Variants in TENM3 observed in about 807,000 individuals in gnomAD.
TENM3 encodes the protein teneurin-3.
A neutral mutation model predicts 255.1 loss-of-function variants in TENM3; 63 were observed. The ratio of observed to expected loss-of-function variants is 0.25; its 90% CI spans 0.20 to 0.30. The LOEUF (loss-of-function observed/expected upper bound fraction) is 0.30. TENM3 is among the 10% of genes least tolerant of loss of function. The pLI is 1.00. For missense variants in TENM3, 2,929 were observed against 3,461.1 expected, an observed-to-expected ratio of 0.85 and a Z score of 3.86; for synonymous variants, 1,306 against 1,322.3, an observed-to-expected ratio of 0.99 and a Z score of 0.27.
chr4:181,950,218 G>C, the TENM3 span, among the ~76,000 whole-genome samples: 17 of 151,666 alleles, frequency 1.1e-4, 1 homozygote, highest in South Asian at 3.6e-3. Context: ...AGCACCTTAC[G>C]ACCCCCACTC....
At chr4:182,503,539 A>C (rs1042833660) in intron 3 of TENM3, among the ~76,000 whole-genome samples, 6 of 152,140 alleles carry the variant, frequency 3.9e-5, no homozygotes, top group Admixed American at 6.5e-5. Context: ...AAATCTGAAG[A>C]ATTTGTATTA....
At chr4:182,097,637 C>G in the TENM3 span, among the ~76,000 whole-genome samples, 1 of 152,150 alleles carries the variant, frequency 6.6e-6, no homozygotes, top group Non-Finnish European at 1.5e-5. Flanking sequence ...GAATAAGGCC[C>G]TTCTCTCCTG....
intron 26 of TENM3, among the ~76,000 whole-genome samples, chr4:182,794,864 C>G (rs542964706): frequency 6.6e-6 from 1 of 152,278 alleles, no homozygotes; most frequent in South Asian, 2.1e-4. Context: ...CCTGCTGCTC[C>G]TACCTTCCAT....
intron 1 of TENM3, among the ~76,000 whole-genome samples, chr4:182,291,466 A>G (rs1027550584): frequency 6.6e-6 from 1 of 152,118 alleles, no homozygotes; most frequent in African/African-American, 2.4e-5. Context: ...ATCAGAAGGA[A>G]GTGTAGATTT....
the TENM3 span, among the ~76,000 whole-genome samples, chr4:181,995,710 T>A: frequency 2.0e-5 from 3 of 152,182 alleles, no homozygotes; most frequent in South Asian, 2.1e-4. Context: ...TAGATTAGCT[T>A]CTGCGTTCAG....
intron 13 of TENM3, among the ~76,000 whole-genome samples, chr4:182,719,771 T>C (rs780784280): frequency 2.0e-5 from 3 of 152,078 alleles, no homozygotes; most frequent in Non-Finnish European, 4.4e-5. Flanking sequence ...CAATTCGAAC[T>C]GCAAGAAAGC....
intron 2 of TENM3, among the ~76,000 whole-genome samples, chr4:182,325,969 G>A (rs1162061811): frequency 6.6e-6 from 1 of 152,112 alleles, no homozygotes; most frequent in Non-Finnish European, 1.5e-5. Flanking sequence ...GCAGACTGTT[G>A]TTGACAACCC....
chr4:182,189,474 A>C (rs149184704), intron 1 of TENM3, among the ~76,000 whole-genome samples: 1 of 152,294 alleles, frequency 6.6e-6, no homozygotes, highest in Non-Finnish European at 1.5e-5. Context: ...GAAAGTCAAA[A>C]GTTAGGGGGA....
chr4:181,977,338 A>C, the TENM3 span, among the ~76,000 whole-genome samples: 2 of 152,252 alleles, frequency 1.3e-5, no homozygotes, highest in Admixed American at 6.5e-5. Context: ...ATGTATGTAA[A>C]TTAAGTAAGT....
At chr4:182,363,028 T>C (rs533403224) in intron 3 of TENM3, among the ~76,000 whole-genome samples, 1 of 152,294 alleles carries the variant, frequency 6.6e-6, no homozygotes, top group South Asian at 2.1e-4. Context: ...GTAGTATAAA[T>C]TGATAATATT....
chr4:181,910,622 GTGTGTGTA>G, the TENM3 span, among the ~76,000 whole-genome samples: 30 of 145,660 alleles, frequency 2.1e-4, no homozygotes, highest in African/African-American at 7.7e-4. Flanking sequence ...ATACACGTGT[GTGTGTGTA>G]TGTGTGTGTG....
At chr4:182,538,089 G>A (rs950885568) in intron 3 of TENM3, among the ~76,000 whole-genome samples, 1 of 152,150 alleles carries the variant, frequency 6.6e-6, no homozygotes, top group South Asian at 2.1e-4. Context: ...ACATTAATTA[G>A]TCTAATATAA....
chr4:182,090,128 C>T, the TENM3 span, among the ~76,000 whole-genome samples: 1 of 152,150 alleles, frequency 6.6e-6, no homozygotes, highest in Non-Finnish European at 1.5e-5. Flanking sequence ...CAAAATTGCT[C>T]AATGGTAACA....
chr4:181,529,065 T>C, the TENM3 span, among the ~76,000 whole-genome samples: 2 of 152,230 alleles, frequency 1.3e-5, no homozygotes, highest in Non-Finnish European at 2.9e-5. Flanking sequence ...GTGGAGATTA[T>C]TGAACCCATT....
chr4:182,526,293 T>G (rs537050456), intron 3 of TENM3, among the ~76,000 whole-genome samples: 1 of 152,206 alleles, frequency 6.6e-6, no homozygotes, highest in African/African-American at 2.4e-5. Context: ...TTTGCCGCTT[T>G]CTTATGTATC....
chr4:181,476,354 G>T, the TENM3 span, among the ~76,000 whole-genome samples: 1 of 152,052 alleles, frequency 6.6e-6, no homozygotes, highest in African/African-American at 2.4e-5. Context: ...TACCCATGCG[G>T]CTTTTAATAT....
At position 182,157,368 on chromosome 4, in the gene TENM3, AT is replaced by A. The variant is rs563373377; in HGVS notation, c.-76+12615del. Among the ~76,000 whole-genome samples, 680 of 152,328 alleles carry A rather than the reference AT, an allele frequency of 4.5e-3. 2 individuals are homozygous for A. Among genetic ancestry groups the A allele is most frequent in the Middle Eastern group, 0.027 (8 of 294 alleles). ...CTTCCCTGTGGAATAACTTGGCAAA[AT>A]GTTTGTTGCACGCTTGCCCACAAAA... On this transcript the variant is annotated intron_variant, in intron 1 of 2. Transcript: ENST00000512480.
chr4:181,607,960 T>C, the TENM3 span, among the ~76,000 whole-genome samples: 2 of 152,262 alleles, frequency 1.3e-5, no homozygotes, highest in Non-Finnish European at 2.9e-5. Flanking sequence ...TTTTCCTTGA[T>C]GCAAAAGTCT....
the TENM3 span, among the ~76,000 whole-genome samples, chr4:182,005,772 A>G: frequency 2.6e-5 from 4 of 152,096 alleles, no homozygotes; most frequent in Admixed American, 2.0e-4. Context: ...TTCTCCTTGA[A>G]GAGGTCCCTC....
Sources: allele counts gnomAD v4.1 joint callset (sites outside exome capture counted in the v4.1 genomes callset), GRCh38; gene constraint gnomAD v4.1.1; transcripts MANE v1.5; gene names NCBI Gene and HGNC (gene_info 2026-07-23, HGNC 2026-07-21).